The following OPA1 variants were observed in gnomAD, a reference collection of about 807,000 sequenced individuals.
The protein encoded by OPA1 is dynamin-like GTPase OPA1, mitochondrial.
A neutral mutation model predicts 152.9 loss-of-function variants in OPA1; 59 were observed. The observed-to-expected ratio is 0.39, with a 90% CI of 0.31 to 0.48. The LOEUF (loss-of-function observed/expected upper bound fraction) is 0.48. Ranked by LOEUF, OPA1 falls within the 20% of genes least tolerant of loss-of-function variation. The pLI, the probability that OPA1 is intolerant of heterozygous loss-of-function variation, is 0.96. For synonymous variants in OPA1, 400 were observed against 389.9 expected (o/e 1.03, Z -0.31); for missense variants, 1,008 against 1,216.8 (o/e 0.83, Z 2.55).
At chr3:193,677,420 A>T (rs138934893) in intron 29 of OPA1, among the ~76,000 whole-genome samples, 3 of 151,590 alleles carry the variant, frequency 2.0e-5, no homozygotes, top group African/African-American at 7.3e-5. Context: ...TAAAGTTGGG[A>T]ATAAACTTTA....
intron 29 of OPA1, among the ~76,000 whole-genome samples, chr3:193,679,727 C>T (rs1719822259): frequency 6.6e-6 from 1 of 152,060 alleles, no homozygotes; most frequent in Admixed American, 6.6e-5. Flanking sequence ...TGTTAAGGAT[C>T]TATAACAATG....
chr3:193,597,278 A>G (rs1725752363), intron 1 of OPA1, among the ~76,000 whole-genome samples: 1 of 152,202 alleles, frequency 6.6e-6, no homozygotes, highest in Non-Finnish European at 1.5e-5. Context: ...ATTTTCAACA[A>G]TGAGGAGGTG....
At chr3:193,677,099 C>G (rs1323304734) in intron 29 of OPA1, among the ~76,000 whole-genome samples, 1 of 150,644 alleles carries the variant, frequency 6.6e-6, no homozygotes, top group Non-Finnish European at 1.5e-5. Flanking sequence ...CAACACTTTA[C>G]TAGCAAGTAT....
chr3:193,679,102 G>A (rs1719691193), intron 29 of OPA1, among the ~76,000 whole-genome samples: 1 of 152,146 alleles, frequency 6.6e-6, no homozygotes, highest in Non-Finnish European at 1.5e-5. Flanking sequence ...GACACAGGGA[G>A]GGGAACAGCA....
Position 193,671,833 on chromosome 3 carries a change from A to G in OPA1, c.2983+4553A>G, listed in dbSNP as rs114612146. On this transcript the variant is annotated intron_variant, in intron 29 of 30. Transcript: ENST00000361510. ...GTCATGTGAAAGTACTTTAGAGGAA[A>G]TGAGACTTTTGAGAACATCATCCCT... Among the ~76,000 whole-genome samples the G allele has an allele frequency of 6.8e-3, 1,032 of 152,338 alleles. 13 individuals are homozygous for G. Among genetic ancestry groups the G allele is most frequent in the African/African-American group, 0.023 (964 of 41,582 alleles).
intron 1 of OPA1, chr3:193,603,532 C>A (rs143757854): frequency 2.6e-5 from 4 of 152,176 alleles, no homozygotes; most frequent in Non-Finnish European, 5.9e-5. Context: ...GTTTGGAGTC[C>A]ATTTTTGATG....
intron 1 of OPA1, among the ~76,000 whole-genome samples, chr3:193,600,112 C>T (rs1425956968): frequency 6.6e-6 from 1 of 152,132 alleles, no homozygotes; most frequent in African/African-American, 2.4e-5. Context: ...CACAAGGACT[C>T]AAATATAAAA....
At chr3:193,623,632 T>G (rs1730550629) in intron 6 of OPA1, among the ~76,000 whole-genome samples, 1 of 152,206 alleles carries the variant, frequency 6.6e-6, no homozygotes, top group African/African-American at 2.4e-5. Flanking sequence ...TTTATTGTTA[T>G]TTATAAATAC....
chr3:193,618,814 G>A (rs1729501182), intron 5 of OPA1, 55 bp from the exon 6 acceptor site: 4 of 1,380,624 alleles, frequency 2.9e-6, no homozygotes, highest in Admixed American at 3.4e-5. Context: ...TTGAAATTCA[G>A]CTTAGGCTGT....
chr3:193,694,475 G>A (rs1210565494), intron 30 of OPA1, 131 bp from the exon 31 acceptor site: 1 of 152,184 alleles, frequency 6.6e-6, no homozygotes, highest in Non-Finnish European at 1.5e-5. Flanking sequence ...GACTATATAA[G>A]TTTAGTAAAA....
At chr3:193,617,751 A>G (rs372752238) in intron 4 of OPA1, 33 bp from the exon 5 acceptor site, 6 of 1,538,360 alleles carry the variant, frequency 3.9e-6, no homozygotes, top group Non-Finnish European at 5.4e-6. Context: ...TAAATTTTAC[A>G]TTTCTATTTC....
intron 30 of OPA1, among the ~76,000 whole-genome samples, chr3:193,692,850 G>A (rs1322883663): frequency 6.6e-6 from 1 of 152,200 alleles, no homozygotes; most frequent in Non-Finnish European, 1.5e-5. Context: ...TCAACCTCCT[G>A]GGCTCAAGCA....
chr3:193,654,771 G>A (rs1713396905), intron 21 of OPA1, 91 bp from the exon 22 acceptor site: 4 of 1,340,088 alleles, frequency 3.0e-6, no homozygotes, highest in Non-Finnish European at 4.2e-6. Flanking sequence ...AATATGTACA[G>A]TTTATTATAA....
intron 21 of OPA1, among the ~76,000 whole-genome samples, chr3:193,653,649 T>C (rs1433831612): frequency 6.6e-6 from 1 of 152,214 alleles, no homozygotes. Context: ...ACCTTAATCA[T>C]GAATTATTGA....
chr3:193,645,806 T>A lies in OPA1; in HGVS notation c.1754+6T>A. On this transcript the variant is annotated splice_donor_region_variant and intron_variant, in intron 18 of 30. Coordinates refer to ENST00000361510, the MANE Select transcript of OPA1 (RefSeq NM_130837.3). ...CAGAATTCAAAGCTCCTAAAGTAGG[T>A]ATCTTGTTAAAACATTTAAACATTT... 6.2e-7 allele frequency: 1 copy of A among 1,600,048 alleles called. No individual in the cohort carries two copies. The highest frequency in any genetic ancestry group is 8.6e-7 in the Non-Finnish European group (1 of 1,167,692).
chr3:193,618,677 T>C lies in OPA1; in HGVS notation c.611-192T>C, dbSNP rs1729473773. The C allele has an allele frequency of 5.2e-6, 3 of 571,494 alleles. No individual in the cohort carries two copies. In the South Asian group the frequency reaches 6.3e-5, roughly 12 times the overall value. The allele number at this position is 571,494 out of a possible 1,614,324, so 35.4% of individuals were successfully genotyped here. A position where few individuals can be genotyped will look rare whatever the true frequency, so the allele number is the denominator to read the frequency against. ...AAACATATGCTGCGATTGCTATAGT[T>C]AGTTTTTTTTTTATTTTCTGCACAG... On this transcript the variant is annotated intron_variant, in intron 5 of 30. Coordinates refer to ENST00000361510, the MANE Select transcript of OPA1 (RefSeq NM_130837.3).
At chr3:193,611,974 G>C (rs556191452) in intron 1 of OPA1, among the ~76,000 whole-genome samples, 1 of 152,186 alleles carries the variant, frequency 6.6e-6, no homozygotes, top group Non-Finnish European at 1.5e-5. Flanking sequence ...AGCTCTTAGA[G>C]GGCCCTTTAA....
intron 29 of OPA1, among the ~76,000 whole-genome samples, chr3:193,681,839 G>C (rs912070248): frequency 6.6e-6 from 1 of 151,994 alleles, no homozygotes; most frequent in Non-Finnish European, 1.5e-5. Flanking sequence ...TATTCTGGCT[G>C]TTCCACCAAC....
chr3:193,610,819 A>G (rs1377500981), intron 1 of OPA1, among the ~76,000 whole-genome samples: 1 of 152,208 alleles, frequency 6.6e-6, no homozygotes, highest in South Asian at 2.1e-4. Flanking sequence ...CTCCATGGGC[A>G]TAGGACCCGC....
Sources: gnomAD v4.1 joint callset for allele counts (sites outside exome capture counted in the v4.1 genomes callset) on GRCh38, gnomAD v4.1.1 for gene constraint, MANE v1.5 for transcripts, NCBI Gene and HGNC (gene_info 2026-07-23, HGNC 2026-07-21) for gene names.